POR: variants seen among roughly 807,000 people sequenced by gnomAD.
The protein encoded by POR is NADPH--cytochrome P450 reductase.
Under a neutral mutation model 84.0 loss-of-function variants are expected in POR, and 56 were observed. The ratio of observed to expected loss-of-function variants is 0.67; its 90% confidence interval spans 0.54 to 0.83. POR has a LOEUF of 0.83. Ranked by LOEUF, POR falls within the 40% of genes least tolerant of loss-of-function variation. The probability of loss-of-function intolerance (pLI) is 0.00; values close to 1 mark genes in which losing one functional copy is unlikely to be tolerated. For missense variants in POR, 938 were observed against 944.3 expected, an observed-to-expected ratio of 0.99 and a Z score of 0.09; for synonymous variants, 414 against 400.5, an observed-to-expected ratio of 1.03 and a Z score of -0.40.
intron 1 of POR, chr7:75,943,685 G>T (rs1219621643): frequency 9.7e-6 from 3 of 310,544 alleles, no homozygotes; most frequent in Non-Finnish European, 2.0e-5. Context: ...ATTTGTAGTT[G>T]TTTCATGCTA....
At chr7:75,934,559 C>T (rs1247018805) in intron 1 of POR, among the ~76,000 whole-genome samples, 1 of 151,190 alleles carries the variant, frequency 6.6e-6, no homozygotes, top group African/African-American at 2.5e-5. Context: ...GAGCCAAGTG[C>T]TGATAGCCAA....
intron 1 of POR, among the ~76,000 whole-genome samples, chr7:75,950,585 A>T (rs1787369994): frequency 6.6e-6 from 1 of 152,204 alleles, no homozygotes; most frequent in South Asian, 2.1e-4. Context: ...GTCCTTCCAG[A>T]ATCTGTCAGA....
chr7:75,961,416 G>C (rs1412323149), intron 2 of POR, among the ~76,000 whole-genome samples: 1 of 152,116 alleles, frequency 6.6e-6, no homozygotes, highest in Non-Finnish European at 1.5e-5. Flanking sequence ...CGCTCAGGCT[G>C]CTGTGCTCAT....
At chr7:75,931,177 C>T (rs1807399509) in intron 1 of POR, among the ~76,000 whole-genome samples, 1 of 152,020 alleles carries the variant, frequency 6.6e-6, no homozygotes, top group South Asian at 2.1e-4. Flanking sequence ...ATCCATCACC[C>T]ATTGAATGGA....
chr7:75,983,603 A>G lies in POR; in HGVS notation c.914A>G (p.His305Arg), dbSNP rs782148874. The change falls in exon 9 of 16, where the codon CAC (histidine) becomes CGC (arginine). Residue 305 changes from histidine to arginine, a missense_variant. His to Arg is a conservative substitution (Grantham distance 29, BLOSUM62 0). Transcript: ENST00000461988. Reference sequence around the variant, plus strand: ...CAGGGAACCGAGCGCCACCTCATGCACCTGGAATTGGACATCTCGGACTCC... The same window carrying G: ...CAGGGAACCGAGCGCCACCTCATGCGCCTGGAATTGGACATCTCGGACTCC... The G allele has an allele frequency of 1.2e-6, 2 of 1,613,000 alleles. No homozygotes were observed. Among genetic ancestry groups the G allele is most frequent in the Admixed American group, 3.3e-5 (2 of 60,012 alleles).
At position 75,986,651 on chromosome 7, in the gene POR, AG is replaced by A. The variant is rs1289915696; in HGVS notation, c.*172del. 7 of 824,948 alleles carry A rather than the reference AG, an allele frequency of 8.5e-6. No individual in the cohort carries two copies. Among genetic ancestry groups the A allele is most frequent in the African/African-American group, 3.4e-5 (2 of 58,042 alleles). The allele number at this position is 824,948 out of a possible 1,614,324, so 51.1% of individuals were successfully genotyped here. On this transcript the variant is annotated 3_prime_UTR_variant, in exon 16 of 16. Coordinates refer to ENST00000461988, the MANE Select transcript of POR (RefSeq NM_000941.3). ...TCCTCCTCAGCCCCCAGGCCAGGTG[AG>A]GTCCACCGGCCCCTGGCAGCACAGC... is the stretch of plus-strand genomic sequence containing the variant.
chr7:75,972,331 C>A, intron 2 of POR, 82 bp from the exon 3 acceptor site: 1 of 1,249,896 alleles, frequency 8.0e-7, no homozygotes, highest in Non-Finnish European at 1.1e-6. Flanking sequence ...ATGAAACCTG[C>A]ATCTAAGGAC....
rs534165696 is a variant in POR at position 75,942,920 on chromosome 7, G to C, written c.-4-11069G>C. ...CAAAGCGATTTAGTATTTGGTAATA[G>C]TGGTTGAGGGCAGTTCTTTCTTTTT... On this transcript the variant is annotated intron_variant, in intron 1 of 15. Coordinates refer to ENST00000461988, the MANE Select transcript of POR (RefSeq NM_000941.3). Among the ~76,000 whole-genome samples, 86 of 151,334 alleles carry C rather than the reference G, an allele frequency of 5.7e-4. 1 individual carries two copies. The highest frequency in any genetic ancestry group is 2.0e-3 in the African/African-American group (82 of 41,056).
In POR at chr7:75,983,898, C is replaced by CT. The variant is rs782377179; in HGVS notation, c.1066+42_1066+43insT. ...GGGCGCCCTGCCGGGCTCAGGCAGCCGCGGGATTGGGCCTGTAGGAAGGCC... is the reference window on the plus strand; with the variant it reads ...GGGCGCCCTGCCGGGCTCAGGCAGCCTGCGGGATTGGGCCTGTAGGAAGGCC... On this transcript the variant is annotated intron_variant, in intron 10 of 15. Transcript: ENST00000461988. The CT allele has an allele frequency of 1.1e-5, 17 of 1,486,960 alleles. No homozygotes were observed. The East Asian group carries it at 3.6e-4, about 31-fold the overall frequency. 92.1% of individuals were successfully genotyped at this position (1,486,960 alleles called of 1,614,324 possible).
At position 75,973,790 on chromosome 7, in the gene POR, TC is replaced by T. The variant is rs368640003; in HGVS notation, c.237+1332del. ...TTCACCTCCTCGGTTCAAGTGATTC[TC>T]CCGCATCAGCCTCCGGAGTAGTTGG... On this transcript the variant is annotated intron_variant, in intron 3 of 15. Transcript: ENST00000461988. Among the ~76,000 whole-genome samples the T allele has an allele frequency of 3.8e-3, 563 of 149,938 alleles. 3 individuals are homozygous for T. Among genetic ancestry groups the T allele is most frequent in the African/African-American group, 0.013 (537 of 40,818 alleles).
intron 2 of POR, among the ~76,000 whole-genome samples, chr7:75,955,764 T>C (rs1041089579): frequency 2.0e-5 from 3 of 152,204 alleles, no homozygotes; most frequent in Non-Finnish European, 2.9e-5. Context: ...GGGGGCCATC[T>C]GTCATGTCAG....
intron 2 of POR, among the ~76,000 whole-genome samples, chr7:75,965,768 C>T (rs149478048): frequency 6.6e-6 from 1 of 152,170 alleles, no homozygotes; most frequent in African/African-American, 2.4e-5. Context: ...GCTTCACAGA[C>T]TTGCTCACGG....
At chr7:75,930,962 A>G (rs1353078253) in intron 1 of POR, among the ~76,000 whole-genome samples, 1 of 152,150 alleles carries the variant, frequency 6.6e-6, no homozygotes, top group Admixed American at 6.5e-5. Context: ...AGCGGGGACT[A>G]CAGGTGTGCA....
At chr7:75,978,439 T>C (rs1554557138) in intron 3 of POR, among the ~76,000 whole-genome samples, 1 of 152,122 alleles carries the variant, frequency 6.6e-6, no homozygotes, top group Non-Finnish European at 1.5e-5. Context: ...CTAGAGATGA[T>C]TTAAAGTATG....
rs869058308 is a variant in POR at position 75,926,030 on chromosome 7, C to CTT, written c.-5+10871_-5+10872dup. Among the ~76,000 whole-genome samples, 154 of 114,822 alleles carry CTT rather than the reference C, an allele frequency of 1.3e-3. 2 individuals carry two copies. The highest frequency in any genetic ancestry group is 2.5e-3 in the African/African-American group (61 of 24,498). The allele number at this position is 114,822 out of a possible 152,430, so 75.3% of individuals were successfully genotyped here. On this transcript the variant is annotated intron_variant, in intron 1 of 15. Coordinates refer to ENST00000461988, the MANE Select transcript of POR (RefSeq NM_000941.3). The stretch of plus-strand genomic sequence containing the variant: ...TTTTTTTTCTTTCTCTTTTCTCTCT[C>CTT]TTTTTTTTTTTTTTTTTTTTTAAGG...
intron 1 of POR, among the ~76,000 whole-genome samples, chr7:75,941,100 A>G (rs1197477740): frequency 6.6e-6 from 1 of 152,000 alleles, no homozygotes; most frequent in Non-Finnish European, 1.5e-5. Flanking sequence ...GGCCAGGAGT[A>G]TGAGGGTGCA....
At chr7:75,929,545 C>T (rs141017667) in intron 1 of POR, among the ~76,000 whole-genome samples, 52 of 152,280 alleles carry the variant, frequency 3.4e-4, no homozygotes, top group African/African-American at 1.1e-3. Flanking sequence ...TGAGCCACCG[C>T]GCCCGGCCTC....
intron 1 of POR, chr7:75,943,807 C>T: frequency 2.0e-6 from 1 of 498,308 alleles, no homozygotes; most frequent in Non-Finnish European, 4.0e-6. Flanking sequence ...CTCTTGGTGG[C>T]TTCCCTGTAA....
intron 2 of POR, among the ~76,000 whole-genome samples, chr7:75,970,314 G>C (rs1234399483): frequency 6.6e-6 from 1 of 151,908 alleles, no homozygotes; most frequent in Non-Finnish European, 1.5e-5. Flanking sequence ...TTGATTTACA[G>C]GGTCTCCCTC....
Sources: gnomAD v4.1 joint callset for allele counts (sites outside exome capture counted in the v4.1 genomes callset) on GRCh38, gnomAD v4.1.1 for gene constraint, MANE v1.5 for transcripts, NCBI Gene and HGNC (gene_info 2026-07-23, HGNC 2026-07-21) for gene names.